The following EFCAB13 variants were observed in gnomAD, a reference collection of about 807,000 sequenced individuals.
The protein encoded by EFCAB13 is EF-hand calcium binding domain 13, also known as EF-hand calcium-binding domain-containing protein 13.
Under a neutral mutation model 110.2 loss-of-function variants are expected in EFCAB13, and 91 were observed. The ratio of observed to expected loss-of-function variants is 0.83; its 90% CI spans 0.70 to 0.98. The LOEUF (loss-of-function observed/expected upper bound fraction) is 0.98, where lower values mean the gene tolerates loss of function less well. EFCAB13 is among the 50% of genes least tolerant of loss of function. The pLI is 0.00. For synonymous variants in EFCAB13, 323 were observed against 369.9 expected, an observed-to-expected ratio of 0.87 and a Z score of 1.45; for missense variants, 968 against 1,119.4, an observed-to-expected ratio of 0.86 and a Z score of 1.93.
chr17:47,372,741 C>T (rs1213982188), intron 11 of EFCAB13, among the ~76,000 whole-genome samples: 1 of 151,954 alleles, frequency 6.6e-6, no homozygotes, highest in African/African-American at 2.4e-5. Context: ...TCCTTCAGTA[C>T]TCTGAATATA....
chr17:47,395,082 CTTAT>C (rs1260361085), intron 16 of EFCAB13, among the ~76,000 whole-genome samples: 1 of 152,022 alleles, frequency 6.6e-6, no homozygotes, highest in Non-Finnish European at 1.5e-5. Flanking sequence ...ACTTTTCTTC[CTTAT>C]TTAGTTTAAA....
intron 9 of EFCAB13, among the ~76,000 whole-genome samples, chr17:47,355,479 A>G (rs189470029): frequency 6.6e-6 from 1 of 152,288 alleles, no homozygotes; most frequent in Admixed American, 6.5e-5. Flanking sequence ...TGTTTTAACA[A>G]ACTTTCAGAT....
At chr17:47,414,961 A>C in intron 23 of EFCAB13, 42 bp downstream of exon 23, 1 of 1,369,650 alleles carries the variant, frequency 7.3e-7, no homozygotes, top group East Asian at 2.4e-5. Flanking sequence ...CTAGAAAATA[A>C]ATATTTAAAA....
chr17:47,412,774 G>A lies in EFCAB13; in HGVS notation c.2280G>A (p.Glu760=), dbSNP rs2065842631. 6.2e-7 allele frequency: 1 copy of A among 1,612,706 alleles called. No homozygotes were observed. The highest frequency in any genetic ancestry group is 8.5e-7 in the Non-Finnish European group (1 of 1,179,482). Residue 760 remains glutamate (E), a splice_region_variant and synonymous_variant, in exon 22 of 25, where the codon GAG becomes GAA. Coordinates refer to ENST00000331493, the MANE Select transcript of EFCAB13 (RefSeq NM_152347.5). The part of the protein sequence containing the change: ...ASNLKLPKVN[E]IKEAANILSH... The stretch of plus-strand genomic sequence containing the variant: ...GCTTGTGTACATTTATCTTTGTAGA[G>A]ATTAAAGAAGCTGCTAACATCTTGT...
chr17:47,353,573 G>C (rs2065465104), intron 9 of EFCAB13, among the ~76,000 whole-genome samples: 1 of 152,128 alleles, frequency 6.6e-6, no homozygotes, highest in South Asian at 2.1e-4. Flanking sequence ...TGGAATTACA[G>C]GTGTGAGCCA....
chr17:47,434,660 T>G (rs1434307671), intron 24 of EFCAB13, among the ~76,000 whole-genome samples: 1 of 152,182 alleles, frequency 6.6e-6, no homozygotes, highest in African/African-American at 2.4e-5. Flanking sequence ...AAGGCAGTAG[T>G]TATCAAAACA....
At chr17:47,409,622 G>C (rs548078490) in intron 20 of EFCAB13, 25 bp from the exon 21 acceptor site, 1 of 1,589,132 alleles carries the variant, frequency 6.3e-7, no homozygotes, top group Non-Finnish European at 8.6e-7. Flanking sequence ...TCCTCATTGT[G>C]TAATGTCTCT....
At chr17:47,341,675 A>G (rs1005331501) in intron 5 of EFCAB13, among the ~76,000 whole-genome samples, 3 of 152,106 alleles carry the variant, frequency 2.0e-5, no homozygotes, top group Non-Finnish European at 4.4e-5. Flanking sequence ...CTCTACAAAA[A>G]AAGACACCTT....
At chr17:47,360,079 T>G (rs1395686965) in intron 9 of EFCAB13, among the ~76,000 whole-genome samples, 2 of 152,090 alleles carry the variant, frequency 1.3e-5, no homozygotes, top group Non-Finnish European at 2.9e-5. Flanking sequence ...AGTGCCGCAA[T>G]AAACAAACAT....
At chr17:47,421,086 C>T (rs531626213) in intron 23 of EFCAB13, among the ~76,000 whole-genome samples, 61 of 152,014 alleles carry the variant, frequency 4.0e-4, no homozygotes, top group African/African-American at 1.4e-3. Context: ...TCTGCCCGGC[C>T]GCGCCTACTG....
At chr17:47,345,670 T>G (rs2065411075) in intron 8 of EFCAB13, among the ~76,000 whole-genome samples, 1 of 152,228 alleles carries the variant, frequency 6.6e-6, no homozygotes, top group African/African-American at 2.4e-5. Flanking sequence ...GGCCACAAAT[T>G]ACACATTGTC....
chr17:47,374,581 C>G lies in EFCAB13; in HGVS notation c.987C>G (p.Leu329=), dbSNP rs750092220. The change falls in exon 12 of 25, where the codon CTC becomes CTG. Residue 329 remains leucine (L), a synonymous_variant. Coordinates refer to ENST00000331493, the MANE Select transcript of EFCAB13 (RefSeq NM_152347.5). ...YKKKNSLSSK[L]PEPSISKKLN... ...AGAAAAATAGTTTGTCTTCCAAACT[C>G]CCTGAACCTTCAATATCCAAAAAGT... The G allele has an allele frequency of 1.9e-6, 3 of 1,603,038 alleles. No homozygotes were observed. Among genetic ancestry groups the G allele is most frequent in the Non-Finnish European group, 2.5e-6 (3 of 1,177,178 alleles).
At chr17:47,361,323 T>A (rs752157779) in intron 9 of EFCAB13, 55 bp from the exon 10 acceptor site, 11 of 1,565,858 alleles carry the variant, frequency 7.0e-6, no homozygotes, top group African/African-American at 1.4e-5. Context: ...CAAAATCAAC[T>A]GCTTTTCCAA....
At chr17:47,383,483 T>C (rs1312055485) in intron 14 of EFCAB13, among the ~76,000 whole-genome samples, 1 of 152,214 alleles carries the variant, frequency 6.6e-6, no homozygotes, top group Non-Finnish European at 1.5e-5. Flanking sequence ...CATTGTGTCT[T>C]TGTTCTCATT....
rs993896930 is a variant in EFCAB13 at position 47,395,868 on chromosome 17, CAGAA to C, written c.1839_1842del (p.Lys614ArgfsTer3). 3 of 1,609,592 alleles carry C rather than the reference CAGAA, an allele frequency of 1.9e-6. No homozygotes were observed. The highest frequency in any genetic ancestry group is 2.7e-5 in the African/African-American group (2 of 74,812). ...ATGCTATTGAAACCCTCGACGATCTCAGAAAGGAGACGATGAGTGTTTCTGACCT... is the reference window on the plus strand; with the variant it reads ...ATGCTATTGAAACCCTCGACGATCTCAGGAGACGATGAGTGTTTCTGACCT... On this transcript the variant is annotated frameshift_variant, in exon 17 of 25. Transcript: ENST00000331493. LOFTEE classifies it high-confidence loss of function.
intron 14 of EFCAB13, among the ~76,000 whole-genome samples, chr17:47,382,264 G>A (rs999766757): frequency 3.3e-5 from 5 of 152,094 alleles, no homozygotes; most frequent in Admixed American, 6.6e-5. Flanking sequence ...GGGCTGAGAC[G>A]ATGGGGTTTT....
At chr17:47,394,272 C>A (rs1469772726) in intron 16 of EFCAB13, among the ~76,000 whole-genome samples, 173 bp downstream of exon 16, 1 of 152,092 alleles carries the variant, frequency 6.6e-6, no homozygotes, top group Non-Finnish European at 1.5e-5. Flanking sequence ...CTCTAATGAC[C>A]CCTAATTCTA....
chr17:47,332,196 A>G (rs544707468), intron 4 of EFCAB13, among the ~76,000 whole-genome samples: 1 of 152,188 alleles, frequency 6.6e-6, no homozygotes, highest in Admixed American at 6.5e-5. Flanking sequence ...CAATGATGAG[A>G]GTTCTTGCTT....
intron 17 of EFCAB13, among the ~76,000 whole-genome samples, chr17:47,397,436 C>T (rs376105727): frequency 1.3e-5 from 2 of 150,020 alleles, no homozygotes; most frequent in East Asian, 2.0e-4. Flanking sequence ...GCCGCCACCC[C>T]GTCTGGGAAG....
Sources: allele counts gnomAD v4.1 joint callset (sites outside exome capture counted in the v4.1 genomes callset), GRCh38; gene constraint gnomAD v4.1.1; transcripts MANE v1.5; gene names NCBI Gene and HGNC (gene_info 2026-07-23, HGNC 2026-07-21).